The following FAT2 variants were observed in gnomAD, a reference collection of about 807,000 sequenced individuals.
FAT2 encodes the protein protocadherin Fat 2.
In FAT2, 150 loss-of-function variants were observed where a neutral mutation model predicts 295.3. That is an observed-to-expected ratio of 0.51 (90% CI 0.44 to 0.58). FAT2 has a LOEUF of 0.58. Among genes scored for constraint, FAT2 ranks in the 20% least tolerant of loss-of-function variants. The pLI is 0.00. For synonymous variants in FAT2, 2,026 were observed against 2,150.3 expected (o/e 0.94, Z 1.60); for missense variants, 4,868 against 5,442.7 (o/e 0.89, Z 3.32).
At chr5:151,575,234 A>G (rs1374747383) in intron 1 of FAT2, among the ~76,000 whole-genome samples, 2 of 152,216 alleles carry the variant, frequency 1.3e-5, no homozygotes, top group African/African-American at 4.8e-5. Flanking sequence ...ATTTATTAGT[A>G]TTCTTTTTAT....
rs776628591 is a variant in FAT2 at position 151,543,466 on chromosome 5, G to A, written c.7661C>T (p.Ala2554Val). 10 of 1,614,132 alleles carry A rather than the reference G, an allele frequency of 6.2e-6. No individual in the cohort carries two copies. Among genetic ancestry groups the A allele is most frequent in the South Asian group, 2.2e-5 (2 of 91,072 alleles). Residue 2554 changes from alanine to valine, a missense_variant, in exon 10 of 24, where the codon GCT becomes GTT. Physicochemically the swap from Ala to Val is moderately conservative, Grantham distance 64 (BLOSUM62 0). Coordinates refer to ENST00000261800, the MANE Select transcript of FAT2 (RefSeq NM_001447.3). ...TCCATCCCGAGCCATGACCTTAATA[G>A]CAATGACTCTCTCTGTTGAATTTTC... ...DRENSTERVIAIKVMARDGGG... is the reference protein window; with the variant it reads ...DRENSTERVIVIKVMARDGGG...
rs1279889235 is a variant in FAT2 at position 151,549,486 on chromosome 5, G to A, written c.4598C>T (p.Pro1533Leu). Reference protein sequence around the residue: ...LTVMVRDQEIPIKRNFVWVTI... With the variant: ...LTVMVRDQEILIKRNFVWVTI... Reference sequence around the variant, plus strand: ...CACCCACACGAAGTTCCTCTTGATAGGTATTTCCTGGTCTCGGACCTATGG... The same window carrying A: ...CACCCACACGAAGTTCCTCTTGATAAGTATTTCCTGGTCTCGGACCTATGG... The change falls in exon 9 of 24, where the codon CCT becomes CTT. Residue 1533 changes from proline to leucine, a missense_variant. By Grantham distance (98) the Pro-to-Leu change is moderately conservative (BLOSUM62 -3). This residue lies in a region of FAT2 where 3,297 missense variants were observed against 3,669.4 expected (regional missense o/e 0.90). Coordinates refer to ENST00000261800, the MANE Select transcript of FAT2 (RefSeq NM_001447.3). 5 of 1,614,140 alleles carry A rather than the reference G, an allele frequency of 3.1e-6. No individual in the cohort carries two copies. The highest frequency in any genetic ancestry group is 4.5e-5 in the East Asian group (2 of 44,882).
chr5:151,544,619 G>T lies in FAT2; in HGVS notation c.6508C>A (p.Leu2170Met), dbSNP rs1756447885. The T allele has an allele frequency of 6.2e-7, 1 of 1,614,036 alleles. No individual in the cohort carries two copies. Among genetic ancestry groups the T allele is most frequent in the South Asian group, 1.1e-5 (1 of 91,078 alleles). Residue 2170 changes from leucine to methionine, a missense_variant, in exon 10 of 24, where the codon CTG (leucine) becomes ATG (methionine). Physicochemically the swap from Leu to Met is conservative, Grantham distance 15. Transcript: ENST00000261800. ...LVTVRNKSNP[L>M]FQSPYYKVRV... ...ACTTTGTAATAAGGACTCTGAAACA[G>T]TGGGTTGGATTTATTTCTCACAGTG...
chr5:151,515,491 G>C (rs958609639), intron 20 of FAT2, among the ~76,000 whole-genome samples: 2 of 152,092 alleles, frequency 1.3e-5, no homozygotes, highest in African/African-American at 4.8e-5. Context: ...GGTCTAATGG[G>C]CATCTGAAAC....
chr5:151,592,656 C>A (rs1325150960), upstream of FAT2, among the ~76,000 whole-genome samples: 1 of 152,076 alleles, frequency 6.6e-6, no homozygotes, highest in Non-Finnish European at 1.5e-5. Context: ...GCTATGTATC[C>A]CAAGGCAAAT....
Position 151,531,755 on chromosome 5 carries a change from G to A in FAT2, c.9643C>T (p.Leu3215=), listed in dbSNP as rs776177749. Residue 3215 remains leucine (L), a synonymous_variant, in exon 14 of 24, where the codon CTG becomes TTG. Coordinates refer to ENST00000261800, the MANE Select transcript of FAT2 (RefSeq NM_001447.3). The surrounding 1 kb of genome is among the most constrained non-coding windows in gnomAD (Gnocchi z 5.7). ...TGCTCGGTGTTCAGGAACACGGGCA[G>A]GTAGTCTTCTAGGCCCACCACCGAG... ...TVSVVGLEDY[L]PVFLNTEHSV... is the part of the protein sequence containing the mutation. The A allele has an allele frequency of 2.5e-6, 4 of 1,610,602 alleles. No homozygotes were observed. The highest frequency in any genetic ancestry group is 1.1e-5 in the South Asian group (1 of 90,866).
At chr5:151,548,200 A>G (rs7725039) in intron 9 of FAT2, among the ~76,000 whole-genome samples, 27,303 of 152,062 alleles carry the variant, frequency 0.18, 3,049 homozygotes, top group East Asian at 0.41. Flanking sequence ...TAAGCTACTG[A>G]CATGCAATAA....
chr5:151,511,771 A>G, intron 21 of FAT2: 1 of 187,764 alleles, frequency 5.3e-6, no homozygotes. Context: ...GTATTTTGCA[A>G]GAACTCATTC....
rs115436041 is a variant in FAT2, at chr5:151,551,159, T to C, written c.4297-288A>G. 9.4e-3 allele frequency among the ~76,000 whole-genome samples: 1,431 copies of C among 152,332 alleles called. 19 individuals carry two copies. Among genetic ancestry groups the C allele is most frequent in the African/African-American group, 0.033 (1,371 of 41,572 alleles). On this transcript the variant is annotated intron_variant, in intron 7 of 23. Transcript: ENST00000261800. ...AAACAGATAAAACACTGGCTGAAGC[T>C]AGAATAGAAATTCAGAGCCCCACTT...
rs762295424 is a variant in FAT2, at chr5:151,512,537, G to T, written c.11533C>A (p.Arg3845Ser). The change falls in exon 21 of 24, where the codon CGC becomes AGC. Residue 3845 changes from arginine (R) to serine (S), a missense_variant. Physicochemically the swap from Arg to Ser is moderately radical, Grantham distance 110. Coordinates refer to ENST00000261800, the MANE Select transcript of FAT2 (RefSeq NM_001447.3). The surrounding 1 kb of genome is among the most constrained non-coding windows in gnomAD (Gnocchi z 4.1). ...TGCCACTCGTGGTCATTCACATGGC[G>T]CTGGGAGGAAAGGTTTCCATAGAAA... Reference protein sequence around the residue: ...GGFYGNLSSQRHVNDHEWHSI... With the variant: ...GGFYGNLSSQSHVNDHEWHSI... The T allele has an allele frequency of 4.3e-6, 7 of 1,614,016 alleles. No homozygotes were observed. Among genetic ancestry groups the T allele is most frequent in the African/African-American group, 2.7e-5 (2 of 74,902 alleles).
chr5:151,540,888 A>AATGAT, intron 10 of FAT2, 125 bp from the exon 11 acceptor site: 1 of 793,812 alleles, frequency 1.3e-6, no homozygotes, highest in South Asian at 2.4e-5. Flanking sequence ...TTCCTTCCTT[A>AATGAT]ACTAGGAACC....
rs199748547 is a variant in FAT2 at position 151,545,897 on chromosome 5, C to G, written c.5230G>C (p.Val1744Leu). 143 of 1,614,076 alleles carry G rather than the reference C, an allele frequency of 8.9e-5. No individual in the cohort carries two copies. The highest frequency in any genetic ancestry group is 2.2e-5 in the South Asian group (2 of 91,078). The change falls in exon 10 of 24, where the codon GTG (valine) becomes CTG (leucine). Residue 1744 changes from valine to leucine, a missense_variant. Around this residue, in one of 5 missense-constraint regions of FAT2, gnomAD observed 3,297 missense variants for 3,669.4 expected, o/e 0.90. Transcript: ENST00000261800. ...TTTTCATCAATTATGTCAACCACCA[C>G]CATGACATCAGTAAATGCACCTGCC... ...NMAGAFTDVM[V>L]VVDIIDENDN...
chr5:151,574,680 G>T (rs1345577880), intron 1 of FAT2, among the ~76,000 whole-genome samples: 1 of 152,222 alleles, frequency 6.6e-6, no homozygotes, highest in Non-Finnish European at 1.5e-5. Flanking sequence ...TCCCACTCTG[G>T]TGTGGATAGG....
At chr5:151,532,830 T>C (rs1754796673) in intron 13 of FAT2, among the ~76,000 whole-genome samples, 1 of 152,096 alleles carries the variant, frequency 6.6e-6, no homozygotes, top group Non-Finnish European at 1.5e-5. Flanking sequence ...AGCCTAAGGG[T>C]CTCACGTCTC....
chr5:151,512,889 C>A lies in FAT2; in HGVS notation c.11464-283G>T. The A allele has an allele frequency of 2.3e-6, 1 of 443,320 alleles. No individual in the cohort carries two copies. Among genetic ancestry groups the A allele is most frequent in the Non-Finnish European group, 4.1e-6 (1 of 243,886 alleles). The allele number at this position is 443,320 out of a possible 1,614,324, so 27.5% of individuals were successfully genotyped here. On this transcript the variant is annotated intron_variant, in intron 20 of 23. Coordinates refer to ENST00000261800, the MANE Select transcript of FAT2 (RefSeq NM_001447.3). This position sits in a 1 kb window ranked among gnomAD's most constrained non-coding sequence, Gnocchi z 4.1. ...CCGAGAGATGCTTTGCTGATCAAGACCCTGTATTTTGGATGCTTCTTCACA... is the reference window on the plus strand; with the variant it reads ...CCGAGAGATGCTTTGCTGATCAAGAACCTGTATTTTGGATGCTTCTTCACA...
At chr5:151,539,160 C>G (rs1755840086) in intron 11 of FAT2, among the ~76,000 whole-genome samples, 1 of 152,120 alleles carries the variant, frequency 6.6e-6, no homozygotes, top group Non-Finnish European at 1.5e-5. Flanking sequence ...CCCAAAAAAG[C>G]CTCCCTTCTG....
chr5:151,541,107 A>C (rs935303580), intron 10 of FAT2, among the ~76,000 whole-genome samples: 1 of 152,250 alleles, frequency 6.6e-6, no homozygotes, highest in Non-Finnish European at 1.5e-5. Context: ...ATGCATAGCT[A>C]TACAACAGTG....
chr5:151,564,115 A>C (rs1758143506), intron 2 of FAT2, among the ~76,000 whole-genome samples: 1 of 152,222 alleles, frequency 6.6e-6, no homozygotes, highest in South Asian at 2.1e-4. Context: ...TCATGATTTT[A>C]AGGGGCTGAG....
chr5:151,528,137 C>T lies in FAT2; in HGVS notation c.10027-4G>A, dbSNP rs768027967. On this transcript the variant is annotated splice_polypyrimidine_tract_variant and splice_region_variant and intron_variant, in intron 15 of 23. Coordinates refer to ENST00000261800, the MANE Select transcript of FAT2 (RefSeq NM_001447.3). ...CATCTTCATCAGTCGCTGATACCTG[C>T]GGTGGGGTAGGGGGATTGTGAATGG... 17 of 1,613,458 alleles carry T rather than the reference C, an allele frequency of 1.1e-5. No individual in the cohort carries two copies. Among genetic ancestry groups the T allele is most frequent in the Admixed American group, 5.0e-5 (3 of 59,946 alleles).
Sources: gnomAD v4.1 joint callset for allele counts (sites outside exome capture counted in the v4.1 genomes callset) on GRCh38, gnomAD v4.1.1 for gene constraint, gnomAD v4.1.1 regional missense constraint, Gnocchi (gnomAD v3.1) non-coding constraint, MANE v1.5 for transcripts, NCBI Gene and HGNC (gene_info 2026-07-23, HGNC 2026-07-21) for gene names.